Variants in DNAJC13 observed in about 807,000 individuals in gnomAD.
DNAJC13 encodes the protein dnaJ homolog subfamily C member 13.
Under a neutral mutation model 290.5 loss-of-function variants are expected in DNAJC13, and 75 were observed. The ratio of observed to expected loss-of-function variants is 0.26; its 90% CI spans 0.21 to 0.31. The LOEUF is 0.31. Ranked by LOEUF, DNAJC13 falls within the 10% of genes least tolerant of loss-of-function variation. DNAJC13 has a pLI of 1.00. For missense variants in DNAJC13, 2,260 were observed against 2,674.5 expected (o/e 0.85, Z 3.42); for synonymous variants, 862 against 892.0 (o/e 0.97, Z 0.60).
chr3:132,499,002 C>T, intron 36 of DNAJC13, 124 bp from the exon 37 acceptor site: 1 of 842,888 alleles, frequency 1.2e-6, no homozygotes, highest in Non-Finnish European at 1.8e-6. Flanking sequence ...AGGCATGAGC[C>T]ACCATGCCTG....
rs570151811 is a variant in DNAJC13, at chr3:132,474,880, T to G, written c.2292-52T>G. 12 of 1,107,932 alleles carry G rather than the reference T, an allele frequency of 1.1e-5. No homozygotes were observed. In the Admixed American group the frequency reaches 2.0e-4, roughly 18 times the overall value. 68.6% of individuals were successfully genotyped at this position (1,107,932 alleles called of 1,614,324 possible). A position where few individuals can be genotyped will look rare whatever the true frequency, so the allele number is the denominator to read the frequency against. ...AGGTCAGTAAGGGATATTTATAGAT[T>G]TTTTAAAATGCTTAGTGCATCCTGC... On this transcript the variant is annotated intron_variant, in intron 21 of 55. Transcript: ENST00000260818.
At chr3:132,469,911 T>C (rs1458709939) in intron 20 of DNAJC13, among the ~76,000 whole-genome samples, 3 of 149,952 alleles carry the variant, frequency 2.0e-5, no homozygotes, top group Non-Finnish European at 3.0e-5. Flanking sequence ...CAATGAGGAT[T>C]AGAGTTTTCA....
chr3:132,460,728 C>G (rs759316946), intron 14 of DNAJC13, among the ~76,000 whole-genome samples: 2 of 152,170 alleles, frequency 1.3e-5, no homozygotes, highest in Non-Finnish European at 2.9e-5. Context: ...GGAACATAAG[C>G]AGATTGCCAG....
chr3:132,533,601 G>A (rs973254635), intron 55 of DNAJC13, among the ~76,000 whole-genome samples: 2 of 151,868 alleles, frequency 1.3e-5, no homozygotes, highest in East Asian at 1.9e-4. Context: ...TGATCCACCC[G>A]CCTGGTACTC....
intron 2 of DNAJC13, among the ~76,000 whole-genome samples, chr3:132,438,254 A>G (rs1939430922): frequency 6.6e-6 from 1 of 152,148 alleles, no homozygotes; most frequent in Non-Finnish European, 1.5e-5. Flanking sequence ...CTTCTCCCTG[A>G]AAGAGTTTAC....
In DNAJC13 at chr3:132,490,966, T is replaced by G; in HGVS notation, c.3538T>G (p.Leu1180Val). ...HILPEAMVCY[L>V]ENYEPEKFSE... ...TCTACCTGAAGCAATGGTTTGTTAC[T>G]TAGAAAATTATGAACCTGAAAAGTT... The change falls in exon 32 of 56, where the codon TTA becomes GTA. Residue 1180 changes from leucine to valine, a missense_variant. Leu to Val is a conservative substitution (Grantham distance 32). Coordinates refer to ENST00000260818, the MANE Select transcript of DNAJC13 (RefSeq NM_015268.4). 1 of 1,612,936 alleles carries G rather than the reference T, an allele frequency of 6.2e-7. No homozygotes were observed. The highest frequency in any genetic ancestry group is 8.5e-7 in the Non-Finnish European group (1 of 1,179,432).
At chr3:132,513,247 T>G (rs1935831572) in intron 45 of DNAJC13, 148 bp downstream of exon 45, 1 of 635,472 alleles carries the variant, frequency 1.6e-6, no homozygotes, top group African/African-American at 1.8e-5. Flanking sequence ...TTTTGAAATT[T>G]GAATTAACAT....
intron 20 of DNAJC13, among the ~76,000 whole-genome samples, chr3:132,470,800 C>T: frequency 7.6e-6 from 1 of 132,214 alleles, no homozygotes; most frequent in Non-Finnish European, 1.6e-5. Flanking sequence ...GGGCTGACCC[C>T]CCCACCTCCC....
rs138279524 is a variant in DNAJC13, at chr3:132,512,816, C to G, written c.5294-192C>G. On this transcript the variant is annotated intron_variant, in intron 44 of 55. Transcript: ENST00000260818. ...GAAAACAAAGTAAACCTAAAAAGCT[C>G]TAACACCTTACATTTTGCCTTTTAA... Among the ~76,000 whole-genome samples the G allele has an allele frequency of 2.4e-3, 371 of 152,244 alleles. 1 individual carries two copies. The highest frequency in any genetic ancestry group is 8.1e-3 in the African/African-American group (336 of 41,552).
chr3:132,477,839 G>C lies in DNAJC13; in HGVS notation c.2496G>C (p.Leu832=). 6.2e-7 allele frequency: 1 copy of C among 1,613,552 alleles called. No homozygotes were observed. The change falls in exon 23 of 56, where the codon CTG becomes CTC. Residue 832 remains leucine (L), a synonymous_variant. Coordinates refer to ENST00000260818, the MANE Select transcript of DNAJC13 (RefSeq NM_015268.4). ...AEEIKIGDYY[L]RLLLEEDENE... Reference sequence around the variant, plus strand: ...AAATTAAAATAGGAGACTATTACCTGAGATTACTATTGGAGGAAGATGAGA... The same window carrying C: ...AAATTAAAATAGGAGACTATTACCTCAGATTACTATTGGAGGAAGATGAGA...
chr3:132,424,715 A>T (rs1231867198), intron 1 of DNAJC13, among the ~76,000 whole-genome samples: 3 of 152,092 alleles, frequency 2.0e-5, no homozygotes, highest in Non-Finnish European at 4.4e-5. Flanking sequence ...GGCTTTTTTT[A>T]TTCTTCAACG....
chr3:132,481,237 G>A (rs1215583640), intron 26 of DNAJC13, among the ~76,000 whole-genome samples: 2 of 152,168 alleles, frequency 1.3e-5, no homozygotes, highest in Admixed American at 1.3e-4. Flanking sequence ...ACTGAAAGCT[G>A]ATAATTATGG....
intron 19 of DNAJC13, 61 bp downstream of exon 19, chr3:132,466,455 C>A (rs1933989228): frequency 7.5e-7 from 1 of 1,338,926 alleles, no homozygotes; most frequent in Non-Finnish European, 9.9e-7. Flanking sequence ...ATATATATGT[C>A]TTTTTTTGAA....
At chr3:132,506,072 A>ATTTTTTT (rs1935577667) in intron 42 of DNAJC13, among the ~76,000 whole-genome samples, 1 of 26,700 alleles carries the variant, frequency 3.7e-5, no homozygotes, top group African/African-American at 1.7e-4. Flanking sequence ...TTTTTTTGAG[A>ATTTTTTT]TGGAATTTTG....
chr3:132,435,301 C>G (rs940714531), intron 2 of DNAJC13, among the ~76,000 whole-genome samples: 1 of 152,190 alleles, frequency 6.6e-6, no homozygotes. Context: ...AGTTTAGTCT[C>G]TGGTCCCTTT....
Position 132,526,163 on chromosome 3 carries a change from C to A in DNAJC13, c.6263C>A (p.Ser2088Tyr). The change falls in exon 53 of 56, where the codon TCT becomes TAT. Residue 2088 changes from serine (S) to tyrosine (Y), a missense_variant. Ser to Tyr is a moderately radical substitution (Grantham distance 144). Around this residue, in one of 3 missense-constraint regions of DNAJC13, gnomAD observed 1,494 missense variants for 1,693.7 expected, o/e 0.88. Coordinates refer to ENST00000260818, the MANE Select transcript of DNAJC13 (RefSeq NM_015268.4). Reference protein sequence around the residue: ...ENELCVRAMASLETIGPLMNG... With the variant: ...ENELCVRAMAYLETIGPLMNG... ...TAGCTGTGTGTTCGAGCCATGGCAT[C>A]TTTAGAGACCATTGGCCCACTGATG... The A allele has an allele frequency of 6.2e-7, 1 of 1,614,050 alleles. No homozygotes were observed. Among genetic ancestry groups the A allele is most frequent in the Non-Finnish European group, 8.5e-7 (1 of 1,179,966 alleles).
At chr3:132,470,965 C>T (rs1934214681) in intron 20 of DNAJC13, among the ~76,000 whole-genome samples, 1 of 122,718 alleles carries the variant, frequency 8.1e-6, no homozygotes, top group Non-Finnish European at 1.8e-5. Context: ...GTAGGGGCGG[C>T]CGGGCAGAGG....
intron 9 of DNAJC13, among the ~76,000 whole-genome samples, chr3:132,454,563 C>T (rs955858328): frequency 6.6e-6 from 1 of 151,836 alleles, no homozygotes; most frequent in African/African-American, 2.4e-5. Context: ...TGGTCTCGAA[C>T]TCCTGACCTC....
intron 55 of DNAJC13, among the ~76,000 whole-genome samples, chr3:132,534,525 G>A (rs1185754903): frequency 6.6e-6 from 1 of 152,138 alleles, no homozygotes; most frequent in East Asian, 1.9e-4. Flanking sequence ...AGGCATGTTG[G>A]TGCATGCCTG....
Sources: allele counts gnomAD v4.1 joint callset (sites outside exome capture counted in the v4.1 genomes callset), GRCh38; gene constraint gnomAD v4.1.1; regional missense constraint gnomAD v4.1.1; transcripts MANE v1.5; gene names NCBI Gene and HGNC (gene_info 2026-07-23, HGNC 2026-07-21).